ATP9A: variants seen among roughly 807,000 people sequenced by gnomAD.
The protein encoded by ATP9A is probable phospholipid-transporting ATPase IIA.
ATP9A carries 52 observed loss-of-function variants against 144.1 expected under a neutral mutation model. That is an observed-to-expected ratio of 0.36 (90% CI 0.29 to 0.45). The LOEUF (loss-of-function observed/expected upper bound fraction) is 0.45, where lower values mean the gene tolerates loss of function less well. Ranked by LOEUF, ATP9A falls within the 20% of genes least tolerant of loss-of-function variation. The probability of loss-of-function intolerance (pLI) is 1.00; values close to 1 mark genes in which losing one functional copy is unlikely to be tolerated. For missense variants in ATP9A, 947 were observed against 1,392.7 expected (o/e 0.68, Z 5.09); for synonymous variants, 582 against 557.4 (o/e 1.04, Z -0.62).
Position 51,674,221 on chromosome 20 carries a change from G to A in ATP9A, c.969C>T (p.His323=). 6.2e-7 allele frequency: 1 copy of A among 1,614,044 alleles called. No individual in the cohort carries two copies. The highest frequency in any genetic ancestry group is 1.3e-5 in the African/African-American group (1 of 75,026). The change falls in exon 11 of 28, where the codon CAC becomes CAT. Residue 323 remains histidine, a synonymous_variant. Coordinates refer to ENST00000338821, the MANE Select transcript of ATP9A (RefSeq NM_006045.3). ...TCTGCAGGTACCAACGGCCTGCAAA[G>A]TGCTGAAGGGCAACCATGACCAGCG... is the stretch of plus-strand genomic sequence containing the variant. ...VVSLVMVALQ[H]FAGRWYLQII...
At chr20:51,679,929 G>A (rs772284693) in intron 9 of ATP9A, among the ~76,000 whole-genome samples, 22 of 152,076 alleles carry the variant, frequency 1.4e-4, no homozygotes, top group Non-Finnish European at 2.8e-4. Context: ...GACCATGGAG[G>A]CACTATCAAA....
chr20:51,767,162 T>C (rs888665597), intron 1 of ATP9A, among the ~76,000 whole-genome samples: 6 of 151,216 alleles, frequency 4.0e-5, no homozygotes, highest in East Asian at 2.0e-4. Context: ...TCCGAGCAAC[T>C]GACGCTGCAA....
At chr20:51,657,202 GGA>G in intron 13 of ATP9A, 52 bp from the exon 14 acceptor site, 1 of 1,501,266 alleles carries the variant, frequency 6.7e-7, no homozygotes, top group Non-Finnish European at 9.2e-7. Context: ...GGAATGATTT[GGA>G]GAGTGGAAGA....
intron 1 of ATP9A, among the ~76,000 whole-genome samples, chr20:51,748,501 G>A (rs1374672635): frequency 6.6e-6 from 1 of 152,072 alleles, no homozygotes; most frequent in East Asian, 1.9e-4. Context: ...ATAAAATGTT[G>A]GCAACTGATT....
At chr20:51,727,017 G>T (rs2077717355) in intron 2 of ATP9A, among the ~76,000 whole-genome samples, 1 of 149,022 alleles carries the variant, frequency 6.7e-6, no homozygotes. Context: ...TGTCCAGCCA[G>T]GCGCAGAGGC....
chr20:51,768,346 C>A lies in ATP9A; in HGVS notation c.24G>T (p.Gln8His). ...CCATCCGCTTCTTCTGGCGCACCGGCTGCAGCGGGATGTTGTCCGTCATGT... is the reference window on the plus strand; with the variant it reads ...CCATCCGCTTCTTCTGGCGCACCGGATGCAGCGGGATGTTGTCCGTCATGT... MTDNIPLQPVRQKKRMDS... is the reference protein window; with the variant it reads MTDNIPLHPVRQKKRMDS... Residue 8 changes from glutamine to histidine, a missense_variant, in exon 1 of 28, where the codon CAG becomes CAT. By Grantham distance (24) the Gln-to-His change is conservative. This residue lies in a region of ATP9A where 770 missense variants were observed against 1,047.9 expected (regional missense o/e 0.73). Transcript: ENST00000338821. 3 of 1,305,784 alleles carry A rather than the reference C, an allele frequency of 2.3e-6. No homozygotes were observed. The highest frequency in any genetic ancestry group is 2.9e-6 in the Non-Finnish European group (3 of 1,017,006). 80.9% of individuals were successfully genotyped at this position (1,305,784 alleles called of 1,614,324 possible). A position where few individuals can be genotyped will look rare whatever the true frequency, so the allele number is the denominator to read the frequency against.
chr20:51,607,435 C>T (rs1477498509), intron 26 of ATP9A, 92 bp downstream of exon 26: 26 of 1,190,126 alleles, frequency 2.2e-5, no homozygotes, highest in Non-Finnish European at 2.7e-5. Context: ...ATTTCAGATT[C>T]GTTTCTTCTC....
chr20:51,735,529 C>G (rs1601136480), intron 1 of ATP9A, among the ~76,000 whole-genome samples: 1 of 152,154 alleles, frequency 6.6e-6, no homozygotes, highest in East Asian at 1.9e-4. Context: ...AGCGCTTACC[C>G]GGTACAAAGT....
intron 12 of ATP9A, 46 bp from the exon 13 acceptor site, chr20:51,670,155 T>C (rs762636432): frequency 6.2e-6 from 9 of 1,451,810 alleles, no homozygotes; most frequent in African/African-American, 2.8e-5. Context: ...CTCAGGATGT[T>C]TGTTATTATT....
At chr20:51,753,305 C>G (rs747164122) in intron 1 of ATP9A, among the ~76,000 whole-genome samples, 2 of 151,656 alleles carry the variant, frequency 1.3e-5, no homozygotes, top group Admixed American at 6.6e-5. Flanking sequence ...ATTAGCTGGG[C>G]GTGGTGGTGT....
intron 4 of ATP9A, among the ~76,000 whole-genome samples, chr20:51,712,738 G>C (rs1220587673): frequency 6.6e-6 from 1 of 152,238 alleles, no homozygotes; most frequent in East Asian, 1.9e-4. Flanking sequence ...TAAGTTATTT[G>C]ACAAGACCAA....
chr20:51,638,680 C>G (rs1312596372), intron 15 of ATP9A, among the ~76,000 whole-genome samples: 2 of 152,076 alleles, frequency 1.3e-5, no homozygotes, highest in East Asian at 1.9e-4. Flanking sequence ...CTGGGCAGCA[C>G]AGTGAAACCC....
intron 9 of ATP9A, among the ~76,000 whole-genome samples, chr20:51,683,115 C>T (rs1432328348): frequency 6.6e-6 from 1 of 151,722 alleles, no homozygotes; most frequent in Non-Finnish European, 1.5e-5. Context: ...TAATAAACAG[C>T]GTCTTTCTCT....
At chr20:51,607,709 G>A in intron 25 of ATP9A, 125 bp from the exon 26 acceptor site, 1 of 714,806 alleles carries the variant, frequency 1.4e-6, no homozygotes, top group East Asian at 2.7e-5. Context: ...TCAATAAAGT[G>A]GCTCGCACAC....
intron 6 of ATP9A, 27 bp downstream of exon 6, chr20:51,696,066 T>C (rs2122826756): frequency 1.3e-6 from 2 of 1,598,758 alleles, no homozygotes; most frequent in Admixed American, 1.7e-5. Flanking sequence ...TTAATGGTTA[T>C]TTTCCAAATT....
rs1568787809 is a variant in ATP9A, at chr20:51,618,998, T to TGCGGAAG, written c.2154_2160dup (p.Arg721LeufsTer6). 6.2e-7 allele frequency: 1 copy of TGCGGAAG among 1,614,130 alleles called. No individual in the cohort carries two copies. The highest frequency in any genetic ancestry group is 1.7e-5 in the Admixed American group (1 of 60,008). ...ATGACCAGGGCACAATCATGCTTCC[T>TGCGGAAG]GCGGAAGGCGTTCAGCTCGAGGTGA... On this transcript the variant is annotated frameshift_variant, in exon 20 of 28. Coordinates refer to ENST00000338821, the MANE Select transcript of ATP9A (RefSeq NM_006045.3). LOFTEE classifies it high-confidence loss of function.
chr20:51,618,093 G>A (rs960447123), intron 21 of ATP9A, among the ~76,000 whole-genome samples: 2 of 151,986 alleles, frequency 1.3e-5, no homozygotes, highest in South Asian at 2.1e-4. Context: ...GGTGGTGCAC[G>A]CCTGCAGTCC....
chr20:51,742,784 G>T (rs2077790707), intron 1 of ATP9A, among the ~76,000 whole-genome samples: 1 of 152,192 alleles, frequency 6.6e-6, no homozygotes, highest in Non-Finnish European at 1.5e-5. Context: ...CAAAGTGCTG[G>T]GATTAGAGGC....
chr20:51,617,018 T>C (rs2077205940), intron 22 of ATP9A, among the ~76,000 whole-genome samples: 1 of 151,156 alleles, frequency 6.6e-6, no homozygotes, highest in Non-Finnish European at 1.5e-5. Context: ...CTCGGCTTAC[T>C]GCAACCTCTG....
Sources: allele counts gnomAD v4.1 joint callset (sites outside exome capture counted in the v4.1 genomes callset), GRCh38; gene constraint gnomAD v4.1.1; regional missense constraint gnomAD v4.1.1; transcripts MANE v1.5; gene names NCBI Gene and HGNC (gene_info 2026-07-23, HGNC 2026-07-21).